SNX29: variants seen among roughly 807,000 people sequenced by gnomAD.
SNX29 encodes the protein sorting nexin 29, also known as sorting nexin-29.
A neutral mutation model predicts 102.1 loss-of-function variants in SNX29; 78 were observed. That is an observed-to-expected ratio of 0.76 (90% CI 0.64 to 0.92). The LOEUF (loss-of-function observed/expected upper bound fraction) is 0.92. SNX29 is among the 40% of genes least tolerant of loss of function. The pLI, the probability that SNX29 is intolerant of heterozygous loss-of-function variation, is 0.00. For missense variants in SNX29, 1,280 were observed against 1,061.7 expected, an observed-to-expected ratio of 1.21 and a Z score of -2.86; for synonymous variants, 580 against 414.5, an observed-to-expected ratio of 1.40 and a Z score of -4.85.
chr16:12,541,340 C>T (rs2077330053), intron 20 of SNX29, among the ~76,000 whole-genome samples: 1 of 152,142 alleles, frequency 6.6e-6, no homozygotes. Flanking sequence ...GCCAGAATTA[C>T]CTTCTTCATT....
At chr16:12,560,747 C>G (rs184774812) in intron 20 of SNX29, 2 of 170,834 alleles carry the variant, frequency 1.2e-5, no homozygotes, top group Non-Finnish European at 2.5e-5. Flanking sequence ...ACCTCTGCTC[C>G]TGATTAGCCA....
At chr16:12,206,378 A>G (rs975606863) in intron 14 of SNX29, among the ~76,000 whole-genome samples, 1 of 124,634 alleles carries the variant, frequency 8.0e-6, no homozygotes, top group Non-Finnish European at 1.7e-5. Flanking sequence ...TCTAACAAAT[A>G]GCTTTCAAAA....
intron 20 of SNX29, among the ~76,000 whole-genome samples, chr16:12,537,878 G>T (rs985829678): frequency 6.6e-6 from 1 of 151,936 alleles, no homozygotes; most frequent in African/African-American, 2.4e-5. Flanking sequence ...CCAGCTTTTT[G>T]GGACGCTAAG....
chr16:12,535,126 AG>A (rs2077038423), intron 20 of SNX29, among the ~76,000 whole-genome samples: 1 of 152,160 alleles, frequency 6.6e-6, no homozygotes, highest in African/African-American at 2.4e-5. Context: ...GCCAGGGTCC[AG>A]GTATTAGGCC....
chr16:12,215,432 A>G (rs1307728609), intron 14 of SNX29, among the ~76,000 whole-genome samples: 1 of 152,078 alleles, frequency 6.6e-6, no homozygotes, highest in Non-Finnish European at 1.5e-5. Context: ...CCCCAGGTGC[A>G]CAGCTGGGGA....
chr16:12,557,988 C>T (rs1013976570), intron 20 of SNX29, among the ~76,000 whole-genome samples: 2 of 152,078 alleles, frequency 1.3e-5, no homozygotes, highest in South Asian at 2.1e-4. Flanking sequence ...AGATTTTAGC[C>T]ACGGTTGGTT....
chr16:12,264,301 C>T (rs549743058), intron 14 of SNX29, among the ~76,000 whole-genome samples: 1 of 152,342 alleles, frequency 6.6e-6, no homozygotes, highest in South Asian at 2.1e-4. Flanking sequence ...TCTGTGAAAT[C>T]CTCTGCATGG....
chr16:12,312,296 A>G (rs1179940048), intron 15 of SNX29, among the ~76,000 whole-genome samples: 1 of 152,208 alleles, frequency 6.6e-6, no homozygotes, highest in East Asian at 1.9e-4. Context: ...TCGTTTAGTC[A>G]GGGCTTGCTC....
chr16:12,353,365 G>C (rs949713103), intron 15 of SNX29, among the ~76,000 whole-genome samples: 1 of 152,164 alleles, frequency 6.6e-6, no homozygotes, highest in Non-Finnish European at 1.5e-5. Context: ...CATAAAACCA[G>C]CTCTCATCCA....
chr16:12,447,834 C>T (rs1298387426), intron 18 of SNX29, among the ~76,000 whole-genome samples: 1 of 152,206 alleles, frequency 6.6e-6, no homozygotes, highest in African/African-American at 2.4e-5. Flanking sequence ...CCCTCTCTTC[C>T]CTGTACCCTG....
At chr16:12,106,670 AG>A (rs1222411060) in intron 11 of SNX29, among the ~76,000 whole-genome samples, 4 of 148,978 alleles carry the variant, frequency 2.7e-5, no homozygotes, top group African/African-American at 1.0e-4. Context: ...TGGTAGAGAC[AG>A]GGTCTCACTG....
intron 16 of SNX29, among the ~76,000 whole-genome samples, chr16:12,394,133 C>T (rs181999495): frequency 3.5e-4 from 53 of 152,282 alleles, no homozygotes; most frequent in African/African-American, 1.2e-3. Context: ...CAGAAAACCC[C>T]CAAGCTTTAA....
chr16:12,207,858 G>T (rs1221697993), intron 14 of SNX29, among the ~76,000 whole-genome samples: 1 of 152,208 alleles, frequency 6.6e-6, no homozygotes. Context: ...CGTCTTGTGT[G>T]TGTGCTCTGT....
intron 15 of SNX29, among the ~76,000 whole-genome samples, chr16:12,300,153 T>C (rs2151094663): frequency 6.6e-6 from 1 of 152,378 alleles, no homozygotes; most frequent in East Asian, 1.9e-4. Context: ...GTTACACGTG[T>C]GAGCCCCTGC....
At chr16:12,550,803 C>T (rs2077927741) in intron 20 of SNX29, among the ~76,000 whole-genome samples, 1 of 151,998 alleles carries the variant, frequency 6.6e-6, no homozygotes, top group East Asian at 1.9e-4. Context: ...AAGAGGGAGC[C>T]AAGAATATGT....
chr16:12,272,402 G>A (rs1296030174), intron 14 of SNX29, among the ~76,000 whole-genome samples: 1 of 152,224 alleles, frequency 6.6e-6, no homozygotes, highest in African/African-American at 2.4e-5. Context: ...CACGGGTAGA[G>A]CAGGGCTGTG....
At chr16:12,057,285 A>C (rs905272177) in intron 8 of SNX29, among the ~76,000 whole-genome samples, 1 of 152,120 alleles carries the variant, frequency 6.6e-6, no homozygotes, top group Non-Finnish European at 1.5e-5. Context: ...TGCCCATCAT[A>C]TTTGCGGAGA....
chr16:12,205,816 A>G (rs970647446), intron 14 of SNX29, among the ~76,000 whole-genome samples: 1 of 152,254 alleles, frequency 6.6e-6, no homozygotes, highest in African/African-American at 2.4e-5. Context: ...ACAGCCCACA[A>G]GAGCAGGGAT....
At chr16:12,195,529 G>A (rs750898584) in intron 13 of SNX29, among the ~76,000 whole-genome samples, 1 of 152,142 alleles carries the variant, frequency 6.6e-6, no homozygotes, top group African/African-American at 2.4e-5. Flanking sequence ...TCCATAACTC[G>A]AGGAAAGTTC....
Sources: gnomAD v4.1 joint callset for allele counts (sites outside exome capture counted in the v4.1 genomes callset) on GRCh38, gnomAD v4.1.1 for gene constraint, MANE v1.5 for transcripts, NCBI Gene and HGNC (gene_info 2026-07-23, HGNC 2026-07-21) for gene names.